The following SULT1B1 variants were observed in gnomAD, a reference collection of about 807,000 sequenced individuals.
SULT1B1 encodes the protein sulfotransferase 1B1.
In SULT1B1, 28 loss-of-function variants were observed where a neutral mutation model predicts 34.6. The ratio of observed to expected loss-of-function variants is 0.81; its 90% CI spans 0.60 to 1.11. The LOEUF is 1.11. Among genes scored for constraint, SULT1B1 ranks in the 50% least tolerant of loss-of-function variants. The pLI is 0.00. For missense variants in SULT1B1, 374 were observed against 352.2 expected (o/e 1.06, Z -0.50); for synonymous variants, 147 against 110.2 (o/e 1.33, Z -2.09).
rs140167650 is a variant in SULT1B1, at chr4:69,747,722, T to C, written c.375+1999A>G. ...TTCTCCCTGCCAGCTAAAATGTCTCTGGGCATCAAGGAGTCTCCTGCAGCT... is the reference window on the plus strand; with the variant it reads ...TTCTCCCTGCCAGCTAAAATGTCTCCGGGCATCAAGGAGTCTCCTGCAGCT... On this transcript the variant is annotated intron_variant, in intron 4 of 7. Transcript: ENST00000310613. Among the ~76,000 whole-genome samples the C allele has an allele frequency of 1.1e-3, 169 of 152,286 alleles. 1 individual carries two copies. The highest frequency in any genetic ancestry group is 3.9e-3 in the African/African-American group (161 of 41,562).
At chr4:69,730,122 G>A (rs868279353) in intron 7 of SULT1B1, among the ~76,000 whole-genome samples, 72 of 151,956 alleles carry the variant, frequency 4.7e-4, no homozygotes, top group African/African-American at 1.5e-3. Context: ...AAAGACTATG[G>A]TACTGTACTA....
chr4:69,760,390 C>T (rs1719345434), intron 1 of SULT1B1, 69 bp downstream of exon 1: 1 of 185,812 alleles, frequency 5.4e-6, no homozygotes, highest in African/African-American at 2.4e-5. Context: ...AGAAATTGTT[C>T]TGAGGCACAC....
chr4:69,731,192 G>C (rs1718067908), intron 6 of SULT1B1, among the ~76,000 whole-genome samples: 1 of 152,164 alleles, frequency 6.6e-6, no homozygotes, highest in African/African-American at 2.4e-5. Flanking sequence ...TGTGAGTGGT[G>C]GAAGAGCAAG....
intron 3 of SULT1B1, among the ~76,000 whole-genome samples, chr4:69,751,490 C>T (rs1035450325): frequency 6.6e-6 from 1 of 152,174 alleles, no homozygotes; most frequent in East Asian, 1.9e-4. Flanking sequence ...CTCACTCTGT[C>T]GCCCAGGCTG....
intron 4 of SULT1B1, among the ~76,000 whole-genome samples, chr4:69,749,245 GA>G (rs1280401114): frequency 1.3e-5 from 2 of 152,012 alleles, no homozygotes; most frequent in Non-Finnish European, 2.9e-5. Context: ...CAACAACTTA[GA>G]AAAGTTTCTC....
Position 69,725,495 on chromosome 4 carries a change from A to C in SULT1B1, c.*1593T>G, listed in dbSNP as rs1234392941. The C allele has an allele frequency of 6.6e-6, 1 of 152,174 alleles. No individual in the cohort carries two copies. The highest frequency in any genetic ancestry group is 2.1e-4 in the South Asian group (1 of 4,828). The allele number at this position is 152,174 out of a possible 1,614,324, so 9.4% of individuals were successfully genotyped here. A position where few individuals can be genotyped will look rare whatever the true frequency, so the allele number is the denominator to read the frequency against. On this transcript the variant is annotated 3_prime_UTR_variant, in exon 8 of 8. Coordinates refer to ENST00000310613, the MANE Select transcript of SULT1B1 (RefSeq NM_014465.4). ...TCAGAGATCTAGAACTAGAAATACCATTTGACCCAGCCATCCCATTACTGG... is the reference window on the plus strand; with the variant it reads ...TCAGAGATCTAGAACTAGAAATACCCTTTGACCCAGCCATCCCATTACTGG...
chr4:69,744,337 A>C (rs1718669576), intron 4 of SULT1B1, among the ~76,000 whole-genome samples: 1 of 152,136 alleles, frequency 6.6e-6, no homozygotes, highest in South Asian at 2.1e-4. Flanking sequence ...AACCCGACAC[A>C]GTGGAGGCTC....
Position 69,728,257 on chromosome 4 carries a change from C to A in SULT1B1, c.779-1057G>T, listed in dbSNP as rs530634514. ...ATCTGCATATAAATTTTATAATATA[C>A]GCAAACACATTTACTTCAAAAAAGA... On this transcript the variant is annotated intron_variant, in intron 7 of 7. Transcript: ENST00000310613. 7.9e-5 allele frequency among the ~76,000 whole-genome samples: 12 copies of A among 152,098 alleles called. 1 individual carries two copies. The highest frequency in any genetic ancestry group is 6.2e-4 in the South Asian group (3 of 4,828).
rs780674528 is a variant in SULT1B1 at position 69,733,368 on chromosome 4, T to A, written c.597+45A>T. The A allele has an allele frequency of 5.8e-6, 8 of 1,373,650 alleles. No individual in the cohort carries two copies. In the South Asian group the frequency reaches 9.1e-5, roughly 16 times the overall value. 85.1% of individuals were successfully genotyped at this position (1,373,650 alleles called of 1,614,324 possible). A position where few individuals can be genotyped will look rare whatever the true frequency, so the allele number is the denominator to read the frequency against. On this transcript the variant is annotated intron_variant, in intron 6 of 7. Coordinates refer to ENST00000310613, the MANE Select transcript of SULT1B1 (RefSeq NM_014465.4). ...AGCAAATATCAACCCTTTTACAGCA[T>A]GATGCAGTGGGGAAATTATCCAGAA...
chr4:69,755,541 AAACAATCTG>A (rs1344000038), intron 1 of SULT1B1, among the ~76,000 whole-genome samples: 10 of 152,184 alleles, frequency 6.6e-5, no homozygotes, highest in African/African-American at 2.2e-4. Context: ...AATATGGCAA[AAACAATCTG>A]AACAATCTGA....
At chr4:69,746,271 A>C (rs1213627995) in intron 4 of SULT1B1, among the ~76,000 whole-genome samples, 2 of 152,164 alleles carry the variant, frequency 1.3e-5, no homozygotes, top group Non-Finnish European at 2.9e-5. Flanking sequence ...GGTTGAGAAA[A>C]TTTTTATTGA....
chr4:69,744,806 G>A (rs1392729314), intron 4 of SULT1B1, among the ~76,000 whole-genome samples: 1 of 152,020 alleles, frequency 6.6e-6, no homozygotes, highest in Non-Finnish European at 1.5e-5. Context: ...GGTTCCTTGA[G>A]GTGCAATGTT....
chr4:69,758,244 A>T (rs1251090994), intron 1 of SULT1B1: 15 of 931,922 alleles, frequency 1.6e-5, no homozygotes, highest in Non-Finnish European at 1.9e-5. Flanking sequence ...CTTGGGATGA[A>T]GTTGGTATTG....
At chr4:69,747,821 C>T (rs538120111) in intron 4 of SULT1B1, among the ~76,000 whole-genome samples, 28 of 152,202 alleles carry the variant, frequency 1.8e-4, no homozygotes, top group South Asian at 1.0e-3. Flanking sequence ...AGGAGCTGTG[C>T]GGGGCCAGGA....
intron 1 of SULT1B1, among the ~76,000 whole-genome samples, chr4:69,757,508 C>A (rs1447976509): frequency 2.6e-5 from 4 of 152,012 alleles, no homozygotes; most frequent in African/African-American, 9.7e-5. Flanking sequence ...AAGAGGTATG[C>A]TTTTGACTAG....
chr4:69,754,579 ACT>A, intron 3 of SULT1B1, 89 bp downstream of exon 3: 1 of 1,304,054 alleles, frequency 7.7e-7, no homozygotes, highest in Non-Finnish European at 1.1e-6. Context: ...CACCAAATCT[ACT>A]CCGGTTTCAG....
At chr4:69,727,708 T>C (rs1426785385) in intron 7 of SULT1B1, among the ~76,000 whole-genome samples, 1 of 152,050 alleles carries the variant, frequency 6.6e-6, no homozygotes, top group African/African-American at 2.4e-5. Context: ...AGATGACAGT[T>C]GTTTTTCCTA....
At chr4:69,741,310 T>C (rs2110023626) in intron 4 of SULT1B1, among the ~76,000 whole-genome samples, 1 of 152,342 alleles carries the variant, frequency 6.6e-6, no homozygotes, top group East Asian at 1.9e-4. Flanking sequence ...TAAAGTTGGA[T>C]ATTGTGATGC....
At chr4:69,734,087 G>T in intron 5 of SULT1B1, 51 bp downstream of exon 5, 2 of 1,367,150 alleles carry the variant, frequency 1.5e-6, no homozygotes, top group Non-Finnish European at 2.0e-6. Context: ...ATTGTTAATA[G>T]TATTATTAAA....
Sources: gnomAD v4.1 joint callset for allele counts (sites outside exome capture counted in the v4.1 genomes callset) on GRCh38, gnomAD v4.1.1 for gene constraint, MANE v1.5 for transcripts, NCBI Gene and HGNC (gene_info 2026-07-23, HGNC 2026-07-21) for gene names.